Variants in SRGAP2B observed in about 807,000 individuals in gnomAD.
SRGAP2B encodes the protein SLIT-ROBO Rho GTPase-activating protein 2B.
Under a neutral mutation model 22.2 loss-of-function variants are expected in SRGAP2B, and 9 were observed. The ratio of observed to expected loss-of-function variants is 0.41; its 90% CI spans 0.24 to 0.71. SRGAP2B has a LOEUF of 0.71. SRGAP2B is among the 30% of genes least tolerant of loss of function. SRGAP2B has a pLI of 0.35. For synonymous variants in SRGAP2B, 36 were observed against 87.4 expected, an observed-to-expected ratio of 0.41 and a Z score of 3.28; for missense variants, 114 against 235.8, an observed-to-expected ratio of 0.48 and a Z score of 3.38.
intron 2 of SRGAP2B, among the ~76,000 whole-genome samples, chr1:145,025,006 C>T (rs1647566818): frequency 6.8e-6 from 1 of 147,082 alleles, no homozygotes; most frequent in South Asian, 2.1e-4. Context: ...CATCTCTCAA[C>T]ACAGTGACCA....
intron 4 of SRGAP2B, among the ~76,000 whole-genome samples, chr1:144,928,477 G>A (rs1447861478): frequency 6.2e-5 from 8 of 129,818 alleles, no homozygotes; most frequent in East Asian, 2.2e-4. Flanking sequence ...TCGCTCTGTC[G>A]CCCAGGCTGG....
At chr1:145,076,076 A>G (rs606080) in intron 2 of SRGAP2B, among the ~76,000 whole-genome samples, 37 of 150,494 alleles carry the variant, frequency 2.5e-4, no homozygotes, top group South Asian at 2.3e-3. Context: ...AGGAAATTGA[A>G]ACAACTTAAA....
intron 3 of SRGAP2B, among the ~76,000 whole-genome samples, chr1:144,975,329 T>A (rs1290514268): frequency 6.7e-6 from 1 of 148,612 alleles, no homozygotes; most frequent in African/African-American, 2.6e-5. Flanking sequence ...TCTGGTTTGT[T>A]CCCTCCAAAA....
At chr1:144,984,368 A>AACAACAACAAC (rs1390223607) in intron 3 of SRGAP2B, among the ~76,000 whole-genome samples, 1 of 113,252 alleles carries the variant, frequency 8.8e-6, no homozygotes, top group Non-Finnish European at 1.8e-5. Context: ...ACAACAACAA[A>AACAACAACAAC]AAAAAAAAAA....
At chr1:144,955,187 T>C (rs1667165450) in intron 4 of SRGAP2B, among the ~76,000 whole-genome samples, 1 of 150,468 alleles carries the variant, frequency 6.6e-6, no homozygotes, top group Admixed American at 6.6e-5. Flanking sequence ...AAGTATGTGG[T>C]AGGGAATGAC....
At chr1:144,963,185 CT>C (rs1247641016) in intron 3 of SRGAP2B, among the ~76,000 whole-genome samples, 5 of 150,672 alleles carry the variant, frequency 3.3e-5, no homozygotes, top group Non-Finnish European at 7.4e-5. Context: ...AATAAAGAGG[CT>C]GTTAAACCCT....
intron 2 of SRGAP2B, among the ~76,000 whole-genome samples, chr1:145,076,556 A>G (rs1370661268): frequency 1.3e-5 from 2 of 149,518 alleles, no homozygotes; most frequent in Admixed American, 6.6e-5. Flanking sequence ...GGCCAATCCT[A>G]AAAAGCTACA....
At chr1:145,058,113 T>C (rs1270489354) in intron 2 of SRGAP2B, among the ~76,000 whole-genome samples, 2 of 149,728 alleles carry the variant, frequency 1.3e-5, no homozygotes, top group Admixed American at 6.7e-5. Context: ...AGGCAGACTT[T>C]GGGATCCTGG....
chr1:145,085,045 C>T (rs587595348), intron 2 of SRGAP2B, among the ~76,000 whole-genome samples: 10 of 151,084 alleles, frequency 6.6e-5, no homozygotes, highest in African/African-American at 1.5e-4. Context: ...TGGATTCAAG[C>T]GATTCTCCTC....
intron 3 of SRGAP2B, among the ~76,000 whole-genome samples, chr1:144,975,693 G>A: frequency 6.7e-6 from 1 of 148,752 alleles, no homozygotes; most frequent in East Asian, 2.0e-4. Flanking sequence ...AAATTACCTG[G>A]ACTCAGGTAT....
chr1:144,990,570 C>T (rs1343965106), intron 3 of SRGAP2B, among the ~76,000 whole-genome samples: 3 of 135,756 alleles, frequency 2.2e-5, no homozygotes, highest in Non-Finnish European at 1.6e-5. Flanking sequence ...CCTTCAGCCT[C>T]CCCCCTGCAC....
chr1:145,021,732 T>TGGACGCAGGA (rs1672811812), intron 2 of SRGAP2B, among the ~76,000 whole-genome samples: 1 of 148,750 alleles, frequency 6.7e-6, no homozygotes, highest in Non-Finnish European at 1.5e-5. Flanking sequence ...GAGAATCTCT[T>TGGACGCAGGA]GAACCCAGGA....
exon 10 of SRGAP2B, chr1:144,888,822 G>C (rs1447838738): frequency 2.0e-5 from 2 of 99,594 alleles, no homozygotes; most frequent in Non-Finnish European, 3.8e-5. Context: ...GTTTTTAGTA[G>C]AGACGAGGTT....
intron 4 of SRGAP2B, among the ~76,000 whole-genome samples, chr1:144,943,275 C>T (rs587629984): frequency 1.1e-3 from 161 of 144,348 alleles, no homozygotes; most frequent in African/African-American, 4.2e-3. Flanking sequence ...TAGATACTGG[C>T]TTGGACAAAC....
At chr1:145,025,861 T>C (rs1553624979) in intron 2 of SRGAP2B, among the ~76,000 whole-genome samples, 2 of 151,758 alleles carry the variant, frequency 1.3e-5, no homozygotes, top group African/African-American at 2.4e-5. Flanking sequence ...GGAAATGTTA[T>C]TTTAAATGTT....
At chr1:145,061,730 G>A (rs1196319400) in intron 2 of SRGAP2B, among the ~76,000 whole-genome samples, 1 of 148,268 alleles carries the variant, frequency 6.7e-6, no homozygotes, top group Non-Finnish European at 1.5e-5. Context: ...TGGGATTACG[G>A]GCACCTGCCA....
intron 3 of SRGAP2B, among the ~76,000 whole-genome samples, chr1:144,960,339 T>C (rs1667572065): frequency 6.6e-6 from 1 of 150,644 alleles, no homozygotes; most frequent in South Asian, 2.1e-4. Flanking sequence ...ATACTATACC[T>C]GAGAGGGAAT....
In SRGAP2B at chr1:145,013,911, C is replaced by T. The variant is rs1209558297; in HGVS notation, c.68-18711G>A. On this transcript the variant is annotated intron_variant, in intron 2 of 9. Coordinates refer to ENST00000612199, the Ensembl canonical transcript of SRGAP2B. The stretch of plus-strand genomic sequence containing the variant: ...GGCCATGGTGGTTTTGCAACCACCA[C>T]TTAGGCCAAGATGGTATGAGCATTC... 6.7e-5 allele frequency among the ~76,000 whole-genome samples: 10 copies of T among 149,182 alleles called. 1 individual carries two copies. Among genetic ancestry groups the T allele is most frequent in the Non-Finnish European group, 4.4e-5 (3 of 67,698 alleles).
chr1:145,088,805 A>T (rs1260029423), intron 2 of SRGAP2B, among the ~76,000 whole-genome samples: 1 of 133,992 alleles, frequency 7.5e-6, no homozygotes, highest in Non-Finnish European at 1.6e-5. Context: ...ATGACCATGA[A>T]TCTGACCAGG....
Sources: allele counts gnomAD v4.1 joint callset (sites outside exome capture counted in the v4.1 genomes callset), GRCh38; gene constraint gnomAD v4.1.1; transcripts MANE v1.5; gene names NCBI Gene and HGNC (gene_info 2026-07-23, HGNC 2026-07-21).